PDE7A: variants seen among roughly 807,000 people sequenced by gnomAD.
The protein encoded by PDE7A is high affinity 3',5'-cyclic-AMP phosphodiesterase 7A.
A neutral mutation model predicts 64.3 loss-of-function variants in PDE7A; 39 were observed. That is an observed-to-expected ratio of 0.61 (90% CI 0.47 to 0.79). The LOEUF (loss-of-function observed/expected upper bound fraction) is 0.79. Ranked by LOEUF, PDE7A falls within the 30% of genes least tolerant of loss-of-function variation. The probability of loss-of-function intolerance (pLI) is 0.00; values close to 1 mark genes in which losing one functional copy is unlikely to be tolerated. For missense variants in PDE7A, 470 were observed against 582.8 expected (o/e 0.81, Z 1.99); for synonymous variants, 203 against 206.8 (o/e 0.98, Z 0.16).
rs201953818 is a variant in PDE7A, at chr8:65,754,914, G to A, written c.284-7111C>T. Among the ~76,000 whole-genome samples the A allele has an allele frequency of 7.3e-4, 110 of 150,372 alleles. No individual in the cohort carries two copies. In the Middle Eastern group the frequency reaches 0.01, roughly 14 times the overall value. On this transcript the variant is annotated intron_variant, in intron 3 of 12. Coordinates refer to ENST00000401827, the MANE Select transcript of PDE7A (RefSeq NM_001242318.3). The stretch of plus-strand genomic sequence containing the variant: ...CGGGAGGCGGAGGTTGCAGTGAGCC[G>A]AGATCGCGCCACTGCACTCCAGCCT...
chr8:65,729,707 C>T (rs371556896), intron 7 of PDE7A, among the ~76,000 whole-genome samples: 47 of 150,798 alleles, frequency 3.1e-4, no homozygotes, highest in South Asian at 4.2e-4. Flanking sequence ...GGATTATAGG[C>T]GCCTACCACC....
At chr8:65,805,324 A>T (rs188301674) in intron 1 of PDE7A, among the ~76,000 whole-genome samples, 75 of 152,360 alleles carry the variant, frequency 4.9e-4, no homozygotes, top group African/African-American at 1.7e-3. Context: ...TGATTTTAAA[A>T]TTATGACTCA....
intron 1 of PDE7A, among the ~76,000 whole-genome samples, chr8:65,784,173 C>A (rs763018828): frequency 2.6e-5 from 4 of 152,052 alleles, no homozygotes; most frequent in Non-Finnish European, 2.9e-5. Flanking sequence ...GGCACCACTG[C>A]ACTTCAGCTT....
intron 1 of PDE7A, among the ~76,000 whole-genome samples, chr8:65,785,546 T>C (rs191727645): frequency 6.6e-6 from 1 of 152,204 alleles, no homozygotes; most frequent in African/African-American, 2.4e-5. Flanking sequence ...CACTCACAGC[T>C]ACTGTGCAAA....
chr8:65,826,324 G>A (rs1325347325), intron 1 of PDE7A, among the ~76,000 whole-genome samples: 1 of 152,200 alleles, frequency 6.6e-6, no homozygotes, highest in African/African-American at 2.4e-5. Context: ...GGCTATTGCA[G>A]CCGGCTAAAT....
intron 1 of PDE7A, among the ~76,000 whole-genome samples, chr8:65,791,370 C>T (rs1221858619): frequency 6.6e-6 from 1 of 152,184 alleles, no homozygotes. Flanking sequence ...AAACGAACAG[C>T]TAGCTCGTAG....
intron 1 of PDE7A, among the ~76,000 whole-genome samples, chr8:65,809,347 A>G (rs1810186257): frequency 6.6e-6 from 1 of 152,228 alleles, no homozygotes; most frequent in African/African-American, 2.4e-5. Context: ...TTCTGGTAAC[A>G]GGTTAATTTG....
At chr8:65,756,637 T>C (rs1350614654) in intron 3 of PDE7A, among the ~76,000 whole-genome samples, 1 of 152,206 alleles carries the variant, frequency 6.6e-6, no homozygotes, top group African/African-American at 2.4e-5. Context: ...TGTTTGTACA[T>C]TGTTTTCCTT....
rs1585958320 is a variant in PDE7A at position 65,835,158 on chromosome 8, C to T, written c.138+6213G>A. ...CAAATTAACCATAAAAGATAAGCAA[C>T]TTCACAGCCAGAATTTAAGTTTTGA... On this transcript the variant is annotated intron_variant, in intron 1 of 12. Transcript: ENST00000401827. Among the ~76,000 whole-genome samples the T allele has an allele frequency of 2.6e-5, 4 of 152,134 alleles. No individual in the cohort carries two copies. In the East Asian group the frequency reaches 7.7e-4, roughly 29 times the overall value.
At chr8:65,723,765 T>C (rs924403518) in intron 11 of PDE7A, 144 bp from the exon 12 acceptor site, 15 of 511,066 alleles carry the variant, frequency 2.9e-5, no homozygotes, top group African/African-American at 1.6e-4. Flanking sequence ...TAGTTCTTTT[T>C]AAAATTTTAA....
intron 1 of PDE7A, among the ~76,000 whole-genome samples, chr8:65,804,408 A>C (rs1449047092): frequency 1.3e-5 from 2 of 152,256 alleles, no homozygotes; most frequent in East Asian, 3.9e-4. Flanking sequence ...CATCTCTAAA[A>C]CATAGGTATA....
intron 9 of PDE7A, 152 bp downstream of exon 9, chr8:65,726,723 A>G: frequency 1.9e-6 from 1 of 513,018 alleles, no homozygotes; most frequent in Non-Finnish European, 3.5e-6. Flanking sequence ...ATAGCTCTAA[A>G]TTACTAAAAT....
At chr8:65,802,600 T>C (rs1466147292) in intron 1 of PDE7A, among the ~76,000 whole-genome samples, 1 of 152,214 alleles carries the variant, frequency 6.6e-6, no homozygotes, top group East Asian at 1.9e-4. Flanking sequence ...ACTTGGACAG[T>C]TGTTACAAGG....
At chr8:65,757,738 C>G (rs1022379449) in intron 3 of PDE7A, among the ~76,000 whole-genome samples, 1 of 152,162 alleles carries the variant, frequency 6.6e-6, no homozygotes, top group Admixed American at 6.5e-5. Context: ...TCTGCCTCAG[C>G]CTCCTGAGTA....
intron 2 of PDE7A, among the ~76,000 whole-genome samples, chr8:65,781,616 T>C (rs1046114843): frequency 6.6e-6 from 1 of 151,842 alleles, no homozygotes; most frequent in Non-Finnish European, 1.5e-5. Flanking sequence ...GTGTAAGAAA[T>C]AGGAAGTAAA....
At chr8:65,776,641 C>T (rs1348285869) in intron 3 of PDE7A, among the ~76,000 whole-genome samples, 2 of 152,130 alleles carry the variant, frequency 1.3e-5, no homozygotes, top group Admixed American at 6.5e-5. Flanking sequence ...TTTATCCCTA[C>T]ATATTTGATG....
At chr8:65,760,096 T>C (rs1808421296) in intron 3 of PDE7A, among the ~76,000 whole-genome samples, 1 of 152,022 alleles carries the variant, frequency 6.6e-6, no homozygotes, top group Admixed American at 6.6e-5. Flanking sequence ...AAAAATTATC[T>C]GGGTGTGGTG....
At chr8:65,803,852 C>T (rs898980407) in intron 1 of PDE7A, among the ~76,000 whole-genome samples, 4 of 152,090 alleles carry the variant, frequency 2.6e-5, no homozygotes, top group Admixed American at 2.6e-4. Context: ...GGATTTGCCA[C>T]CAGCAGTTGG....
chr8:65,738,438 C>T (rs1021650179), intron 6 of PDE7A, among the ~76,000 whole-genome samples: 1 of 152,134 alleles, frequency 6.6e-6, no homozygotes, highest in Non-Finnish European at 1.5e-5. Context: ...ACCTAAAGGA[C>T]GGACAAAGAC....
Sources: gnomAD v4.1 joint callset for allele counts (sites outside exome capture counted in the v4.1 genomes callset) on GRCh38, gnomAD v4.1.1 for gene constraint, MANE v1.5 for transcripts, NCBI Gene and HGNC (gene_info 2026-07-23, HGNC 2026-07-21) for gene names.